RAF1: variants seen among roughly 807,000 people sequenced by gnomAD.
The protein encoded by RAF1 is Raf-1 proto-oncogene, serine/threonine kinase, also known as RAF proto-oncogene serine/threonine-protein kinase.
Under a neutral mutation model 81.1 loss-of-function variants are expected in RAF1, and 27 were observed. The observed-to-expected ratio is 0.33, with a 90% CI of 0.25 to 0.46. RAF1 has a LOEUF of 0.46. Among genes scored for constraint, RAF1 ranks in the 20% least tolerant of loss-of-function variants. RAF1 has a pLI of 1.00. For missense variants in RAF1, 598 were observed against 826.0 expected, an observed-to-expected ratio of 0.72 and a Z score of 3.38; for synonymous variants, 298 against 294.0, an observed-to-expected ratio of 1.01 and a Z score of -0.14.
chr3:12,623,759 A>T (rs2125470533), intron 1 of RAF1, among the ~76,000 whole-genome samples: 1 of 144,380 alleles, frequency 6.9e-6, no homozygotes, highest in African/African-American at 2.7e-5. Flanking sequence ...ATGCCACTGC[A>T]CTCCAACCAG....
chr3:12,590,756 T>C, intron 13 of RAF1, 42 bp downstream of exon 12: 1 of 1,574,112 alleles, frequency 6.4e-7, no homozygotes, highest in Non-Finnish European at 8.7e-7. Flanking sequence ...AGGGACAAAT[T>C]TGATGCCTGG....
intron 13 of RAF1, 50 bp from the exon 13 acceptor site, chr3:12,587,687 G>A (rs992819356): frequency 1.3e-6 from 2 of 1,498,302 alleles, no homozygotes; most frequent in African/African-American, 1.4e-5. Flanking sequence ...GGCATGAGTA[G>A]AAAGCAGTTT....
chr3:12,622,031 G>T (rs1280693121), intron 1 of RAF1, among the ~76,000 whole-genome samples: 1 of 152,052 alleles, frequency 6.6e-6, no homozygotes, highest in Non-Finnish European at 1.5e-5. Context: ...TTTTATTTCT[G>T]TAAGAGGGGA....
At chr3:12,624,897 A>AAAAAAAAC (rs2059657800) in intron 1 of RAF1, among the ~76,000 whole-genome samples, 2 of 139,032 alleles carry the variant, frequency 1.4e-5, no homozygotes, top group African/African-American at 5.5e-5. Context: ...AAAAAAAAAA[A>AAAAAAAAC]AAAAACAAAA....
intron 1 of RAF1, among the ~76,000 whole-genome samples, chr3:12,645,759 AG>A (rs1485355930): frequency 6.6e-6 from 1 of 151,902 alleles, no homozygotes; most frequent in South Asian, 2.1e-4. Context: ...GGGTGGGGTG[AG>A]GGGGGTGTCT....
intron 1 of RAF1, among the ~76,000 whole-genome samples, chr3:12,647,465 CAT>C (rs60448371): frequency 0.21 from 31,550 of 151,596 alleles, 3,526 homozygotes; most frequent in African/African-American, 0.29. Flanking sequence ...CGGTGTAGCA[CAT>C]GTGTAGTCCC....
chr3:12,627,191 A>G (rs1259536421), intron 1 of RAF1, among the ~76,000 whole-genome samples: 1 of 152,160 alleles, frequency 6.6e-6, no homozygotes, highest in Non-Finnish European at 1.5e-5. Flanking sequence ...GAGAAGACAT[A>G]GTGTATTCAT....
Position 12,591,823 on chromosome 3 carries a change from AG to A in RAF1, c.1169-32del, listed in dbSNP as rs2058523084. On this transcript the variant is annotated intron_variant, in intron 11 of 17. Transcript: ENST00000442415. The stretch of plus-strand genomic sequence containing the variant: ...AAATTAGTTGGCAGTCAGTGCAATC[AG>A]TTGAATGATCTCAGTCTTTCAAATA... 10 of 1,486,852 alleles carry A rather than the reference AG, an allele frequency of 6.7e-6. No individual in the cohort carries two copies. In the East Asian group the frequency reaches 2.3e-4, roughly 34 times the overall value. The allele number at this position is 1,486,852 out of a possible 1,614,324, so 92.1% of individuals were successfully genotyped here. A position where few individuals can be genotyped will look rare whatever the true frequency, so the allele number is the denominator to read the frequency against.
rs145032328 is a variant in RAF1 at position 12,634,082 on chromosome 3, G to A, written c.-26-15335C>T. Among the ~76,000 whole-genome samples the A allele has an allele frequency of 1.6e-3, 249 of 151,662 alleles. 1 individual carries two copies. Among genetic ancestry groups the A allele is most frequent in the African/African-American group, 5.8e-3 (240 of 41,358 alleles). On this transcript the variant is annotated intron_variant, in intron 1 of 17. Transcript: ENST00000442415. ...AATAATCAGCAAAACTATCAGTGAG[G>A]GACAGAACTAGAGAGATATTTTCTG...
intron 13 of RAF1, 151 bp downstream of exon 12, chr3:12,590,647 T>C (rs1176162763): frequency 1.1e-6 from 1 of 889,136 alleles, no homozygotes; most frequent in Non-Finnish European, 1.8e-6. Flanking sequence ...AACTCATTCC[T>C]GATAATTGGC....
At chr3:12,610,288 T>C (rs2125424446) in intron 3 of RAF1, among the ~76,000 whole-genome samples, 1 of 152,316 alleles carries the variant, frequency 6.6e-6, no homozygotes, top group South Asian at 2.1e-4. Flanking sequence ...TTTCTCACTA[T>C]CCAACAGTAA....
At chr3:12,607,843 C>T (rs1361166699) in intron 5 of RAF1, among the ~76,000 whole-genome samples, 2 of 147,080 alleles carry the variant, frequency 1.4e-5, no homozygotes, top group Non-Finnish European at 3.0e-5. Context: ...CTGAGCTACT[C>T]GGGAGGCTGA....
intron 1 of RAF1, among the ~76,000 whole-genome samples, chr3:12,643,739 A>G (rs2125540560): frequency 1.3e-5 from 2 of 151,864 alleles, no homozygotes; most frequent in African/African-American, 4.8e-5. Context: ...TCTGTCTCAA[A>G]AAAAAAAAAA....
intron 2 of RAF1, among the ~76,000 whole-genome samples, 190 bp downstream of exon 2, chr3:12,618,325 C>G (rs2059440583): frequency 6.7e-6 from 1 of 149,072 alleles, no homozygotes; most frequent in South Asian, 2.1e-4. Flanking sequence ...GAAGGAAGGC[C>G]AAGAGGTAGG....
At chr3:12,618,872 A>G in intron 1 of RAF1, 125 bp from the exon 2 acceptor site, 1 of 732,144 alleles carries the variant, frequency 1.4e-6, no homozygotes. Context: ...TGCATTCATC[A>G]GCAAAGAAAA....
chr3:12,591,653 T>C (rs2125346391), intron 12 of RAF1, 55 bp downstream of exon 11: 1 of 1,484,946 alleles, frequency 6.7e-7, no homozygotes, highest in South Asian at 1.1e-5. Flanking sequence ...TCTACAGTCC[T>C]TGTACTCCCC....
Position 12,584,313 on chromosome 3 carries a change from G to A in RAF1, c.*201C>T, listed in dbSNP as rs2058244619. On this transcript the variant is annotated 3_prime_UTR_variant, in exon 18 of 18. Transcript: ENST00000442415. ...GGAGGGAGCAGGACACACCAGCACT[G>A]CAAATGGCTTCCTTCTCCCAGGGCC... The A allele has an allele frequency of 7.7e-6, 5 of 645,934 alleles. No individual in the cohort carries two copies. The highest frequency in any genetic ancestry group is 1.3e-5 in the Non-Finnish European group (5 of 371,450). The allele number at this position is 645,934 out of a possible 1,614,324, so 40.0% of individuals were successfully genotyped here.
chr3:12,593,022 G>A (rs1190539191), intron 11 of RAF1, among the ~76,000 whole-genome samples: 3 of 150,740 alleles, frequency 2.0e-5, no homozygotes, highest in South Asian at 2.1e-4. Flanking sequence ...TTACAGGTAT[G>A]AGCCACCGTG....
At position 12,634,505 on chromosome 3, in the gene RAF1, GGA is replaced by G. The variant is rs199735189; in HGVS notation, c.-26-15760_-26-15759del. Among the ~76,000 whole-genome samples, 715 of 152,162 alleles carry G rather than the reference GGA, an allele frequency of 4.7e-3. 8 individuals are homozygous for G. Among genetic ancestry groups the G allele is most frequent in the African/African-American group, 0.016 (663 of 41,494 alleles). On this transcript the variant is annotated intron_variant, in intron 1 of 17. Transcript: ENST00000442415. ...AGGAATATAGCAAGAGAAAGACTTA[GGA>G]TATAGGAAACGGGACATCCAGCATA...
Sources: allele counts gnomAD v4.1 joint callset (sites outside exome capture counted in the v4.1 genomes callset), GRCh38; gene constraint gnomAD v4.1.1; transcripts MANE v1.5; gene names NCBI Gene and HGNC (gene_info 2026-07-23, HGNC 2026-07-21).